The following KCNJ6 variants were observed in gnomAD, a reference collection of about 807,000 sequenced individuals.
The protein encoded by KCNJ6 is potassium inwardly rectifying channel subfamily J member 6, also known as G protein-activated inward rectifier potassium channel 2.
In KCNJ6, 9 loss-of-function variants were observed where a neutral mutation model predicts 34.2. That is an observed-to-expected ratio of 0.26 (90% CI 0.16 to 0.46). KCNJ6 has a LOEUF of 0.46. Ranked by LOEUF, KCNJ6 falls within the 20% of genes least tolerant of loss-of-function variation. The pLI, the probability that KCNJ6 is intolerant of heterozygous loss-of-function variation, is 1.00. For missense variants in KCNJ6, 236 were observed against 531.3 expected, an observed-to-expected ratio of 0.44 and a Z score of 5.46; for synonymous variants, 196 against 207.1, an observed-to-expected ratio of 0.95 and a Z score of 0.46.
chr21:37,854,413 A>G (rs1051173145), intron 1 of KCNJ6, among the ~76,000 whole-genome samples: 1 of 151,544 alleles, frequency 6.6e-6, no homozygotes, highest in Admixed American at 6.6e-5. Context: ...AAAGAAAAAT[A>G]TATGTCCTCA....
At chr21:37,716,201 G>A (rs1051777282) in intron 2 of KCNJ6, among the ~76,000 whole-genome samples, 1 of 152,050 alleles carries the variant, frequency 6.6e-6, no homozygotes, top group Non-Finnish European at 1.5e-5. Flanking sequence ...GGTTTTTGTC[G>A]GTAAGTATGC....
chr21:37,840,570 C>G, intron 2 of KCNJ6, 88 bp downstream of exon 2: 1 of 853,780 alleles, frequency 1.2e-6, no homozygotes, highest in South Asian at 1.5e-5. Flanking sequence ...AAGGACAAAT[C>G]AGATCATCAC....
At chr21:37,816,004 C>A (rs1273870624) in intron 2 of KCNJ6, among the ~76,000 whole-genome samples, 2 of 152,166 alleles carry the variant, frequency 1.3e-5, no homozygotes, top group South Asian at 2.1e-4. Flanking sequence ...CCCTGAACAC[C>A]CATTTTTAGT....
chr21:37,906,574 G>C (rs2055842692), intron 1 of KCNJ6, among the ~76,000 whole-genome samples: 1 of 152,178 alleles, frequency 6.6e-6, no homozygotes, highest in African/African-American at 2.4e-5. Context: ...TGCATTTGTA[G>C]CCAGCTCCCT....
At chr21:37,685,017 A>C (rs969833035) in intron 3 of KCNJ6, among the ~76,000 whole-genome samples, 9 of 152,254 alleles carry the variant, frequency 5.9e-5, no homozygotes, top group Non-Finnish European at 1.2e-4. Context: ...ACTATGAAAG[A>C]TATCTGCAAA....
intron 2 of KCNJ6, among the ~76,000 whole-genome samples, chr21:37,807,662 T>A (rs1020635254): frequency 6.6e-6 from 1 of 152,228 alleles, no homozygotes; most frequent in African/African-American, 2.4e-5. Context: ...GGCTGGACCA[T>A]GTAGCCTAGG....
intron 1 of KCNJ6, among the ~76,000 whole-genome samples, chr21:37,902,176 A>G (rs1296629826): frequency 6.6e-6 from 1 of 152,274 alleles, no homozygotes; most frequent in Non-Finnish European, 1.5e-5. Context: ...TCAATACAGG[A>G]AGACCAGAAA....
chr21:37,637,790 G>T (rs965900825), intron 3 of KCNJ6, among the ~76,000 whole-genome samples: 2 of 152,166 alleles, frequency 1.3e-5, no homozygotes, highest in Non-Finnish European at 2.9e-5. Context: ...ATCCTTAAGA[G>T]GAAGAGACAA....
chr21:37,623,391 G>A lies in KCNJ6; in HGVS notation c.*1768C>T, dbSNP rs1460768675. 2 of 152,224 alleles carry A rather than the reference G, an allele frequency of 1.3e-5. No homozygotes were observed. Among genetic ancestry groups the A allele is most frequent in the African/African-American group, 2.4e-5 (1 of 41,448 alleles). 9.4% of individuals were successfully genotyped at this position (152,224 alleles called of 1,614,324 possible). A position where few individuals can be genotyped will look rare whatever the true frequency, so the allele number is the denominator to read the frequency against. Reference sequence around the variant, plus strand: ...CCTCCATGGTGCAGAGCCTCAAACTGAGCACAGCTGTAGGAGCTGAAAATA... The same window carrying A: ...CCTCCATGGTGCAGAGCCTCAAACTAAGCACAGCTGTAGGAGCTGAAAATA... On this transcript the variant is annotated 3_prime_UTR_variant, in exon 4 of 4. Coordinates refer to ENST00000609713, the MANE Select transcript of KCNJ6 (RefSeq NM_002240.5).
At position 37,686,082 on chromosome 21, in the gene KCNJ6, T is replaced by C. The variant is rs1322296268; in HGVS notation, c.946+28129A>G. Among the ~76,000 whole-genome samples the C allele has an allele frequency of 3.9e-5, 6 of 152,102 alleles. No individual in the cohort carries two copies. In the East Asian group the frequency reaches 9.7e-4, roughly 24 times the overall value. On this transcript the variant is annotated intron_variant, in intron 3 of 3. Transcript: ENST00000609713. ...CTGCAGAACAGAGGATGGAAAGGGATGTATTTTTCATTATCTATCCTTTAT... is the reference window on the plus strand; with the variant it reads ...CTGCAGAACAGAGGATGGAAAGGGACGTATTTTTCATTATCTATCCTTTAT...
At chr21:37,727,656 C>G (rs1335546351) in intron 2 of KCNJ6, among the ~76,000 whole-genome samples, 2 of 152,048 alleles carry the variant, frequency 1.3e-5, no homozygotes, top group African/African-American at 4.8e-5. Context: ...GAAGTCAAGA[C>G]AAAATGCTGC....
chr21:37,829,372 G>A (rs769902273), intron 2 of KCNJ6, among the ~76,000 whole-genome samples: 1 of 152,196 alleles, frequency 6.6e-6, no homozygotes, highest in African/African-American at 2.4e-5. Flanking sequence ...AGGCAAGTGG[G>A]GGTAGGTGCC....
chr21:37,778,670 C>G (rs1339508846), intron 2 of KCNJ6, among the ~76,000 whole-genome samples: 1 of 150,570 alleles, frequency 6.6e-6, no homozygotes, highest in Admixed American at 6.7e-5. Flanking sequence ...CTTCCCACTA[C>G]ATTGTGTGTA....
chr21:37,661,768 G>A (rs1262292362), intron 3 of KCNJ6, among the ~76,000 whole-genome samples: 1 of 148,518 alleles, frequency 6.7e-6, no homozygotes, highest in African/African-American at 2.5e-5. Context: ...GTCTACAGGC[G>A]CCGGCCACCA....
chr21:37,765,752 G>T (rs1322248267), intron 2 of KCNJ6, among the ~76,000 whole-genome samples: 2 of 152,210 alleles, frequency 1.3e-5, no homozygotes, highest in Non-Finnish European at 2.9e-5. Flanking sequence ...TCAAGTCAAT[G>T]AATGAGTCAA....
At chr21:37,846,789 C>T (rs1031141320) in intron 1 of KCNJ6, among the ~76,000 whole-genome samples, 6 of 152,148 alleles carry the variant, frequency 3.9e-5, no homozygotes, top group Non-Finnish European at 8.8e-5. Context: ...GTATCCTCAA[C>T]AGGGCCTCAC....
intron 1 of KCNJ6, among the ~76,000 whole-genome samples, chr21:37,896,925 T>C (rs985932666): frequency 6.6e-6 from 1 of 152,060 alleles, no homozygotes; most frequent in Non-Finnish European, 1.5e-5. Context: ...AAAGAAGAAA[T>C]GAGTGCCCAC....
At chr21:37,658,313 G>T (rs2054473313) in intron 3 of KCNJ6, among the ~76,000 whole-genome samples, 1 of 152,248 alleles carries the variant, frequency 6.6e-6, no homozygotes. Flanking sequence ...TAGCTTGGAT[G>T]AGAAAACTGA....
intron 1 of KCNJ6, among the ~76,000 whole-genome samples, chr21:37,910,270 A>G (rs937052326): frequency 8.5e-5 from 13 of 152,190 alleles, no homozygotes; most frequent in African/African-American, 3.1e-4. Flanking sequence ...TTCAGTTAGT[A>G]AGAAACACCG....
Sources: allele counts gnomAD v4.1 joint callset (sites outside exome capture counted in the v4.1 genomes callset), GRCh38; gene constraint gnomAD v4.1.1; transcripts MANE v1.5; gene names NCBI Gene and HGNC (gene_info 2026-07-23, HGNC 2026-07-21).